CCDC30: variants seen among roughly 807,000 people sequenced by gnomAD.
CCDC30 encodes the protein coiled-coil domain containing 30.
CCDC30 carries 70 observed loss-of-function variants against 100.2 expected under a neutral mutation model. That is an observed-to-expected ratio of 0.70 (90% CI 0.58 to 0.85). The LOEUF (loss-of-function observed/expected upper bound fraction) is 0.85, where lower values mean the gene tolerates loss of function less well. CCDC30 is among the 40% of genes least tolerant of loss of function. The pLI is 0.00. For synonymous variants in CCDC30, 233 were observed against 269.5 expected, an observed-to-expected ratio of 0.86 and a Z score of 1.33; for missense variants, 652 against 771.2, an observed-to-expected ratio of 0.85 and a Z score of 1.83.
In CCDC30 at chr1:42,555,314, C is replaced by T. The variant is rs118058607; in HGVS notation, c.457-10982C>T. Among the ~76,000 whole-genome samples, 798 of 152,326 alleles carry T rather than the reference C, an allele frequency of 5.2e-3. 8 individuals are homozygous for T. The highest frequency in any genetic ancestry group is 0.018 in the African/African-American group (769 of 41,572). ...CTATACCAACACCCACCTTCCCCAA[C>T]GTCCATACACACATGCAAGTACATA... On this transcript the variant is annotated intron_variant, in intron 6 of 16. Coordinates refer to ENST00000668663, the Ensembl canonical transcript of CCDC30.
chr1:42,545,766 G>A (rs1482446252), intron 6 of CCDC30, among the ~76,000 whole-genome samples, 187 bp downstream of exon 9: 1 of 151,610 alleles, frequency 6.6e-6, no homozygotes, highest in Non-Finnish European at 1.5e-5. Flanking sequence ...GGGCAACATG[G>A]CAAACCCCAT....
rs1645144447 is a variant in CCDC30, at chr1:42,546,428, A to ATG, written c.457-19867_457-19866insGT. Among the ~76,000 whole-genome samples the ATG allele has an allele frequency of 5.3e-4, 39 of 73,738 alleles. 3 individuals are homozygous for ATG. Among genetic ancestry groups the ATG allele is most frequent in the African/African-American group, 1.5e-3 (34 of 23,260 alleles). The allele number at this position is 73,738 out of a possible 152,430, so 48.4% of individuals were successfully genotyped here. On this transcript the variant is annotated intron_variant, in intron 6 of 16. Transcript: ENST00000668663. ...TATATATATATATATATATATATAT[A>ATG]TATATATATATATAGTATTCTAATA...
chr1:42,482,547 A>T (rs539513705), intron 2 of CCDC30, 116 bp from the exon 3 acceptor site: 1 of 539,394 alleles, frequency 1.9e-6, no homozygotes, highest in East Asian at 3.5e-5. Flanking sequence ...ACACAAAGAA[A>T]TACACATAGA....
At chr1:42,546,704 A>G (rs888077840) in intron 6 of CCDC30, among the ~76,000 whole-genome samples, 36 of 151,754 alleles carry the variant, frequency 2.4e-4, no homozygotes, top group African/African-American at 8.5e-4. Context: ...CTTTTCTCTT[A>G]TTTATCTATC....
downstream of CCDC30, among the ~76,000 whole-genome samples, chr1:42,656,311 G>A (rs1338029785): frequency 6.6e-6 from 1 of 152,140 alleles, no homozygotes. Context: ...TATTGCTCTA[G>A]GACATCACTT....
chr1:42,588,399 G>A (rs1314268213), intron 9 of CCDC30, among the ~76,000 whole-genome samples: 3 of 152,096 alleles, frequency 2.0e-5, no homozygotes, highest in Non-Finnish European at 2.9e-5. Flanking sequence ...TTTTATTAAC[G>A]TGGGGTGGGG....
At chr1:42,643,305 G>C (rs1647612700) in intron 13 of CCDC30, among the ~76,000 whole-genome samples, 1 of 152,212 alleles carries the variant, frequency 6.6e-6, no homozygotes, top group South Asian at 2.1e-4. Flanking sequence ...ACTCAGCCCA[G>C]TCAGTGACAG....
intron 10 of CCDC30, chr1:42,591,622 C>G (rs1389693617): frequency 6.6e-6 from 1 of 152,324 alleles, no homozygotes; most frequent in Admixed American, 6.5e-5. Context: ...CAGAGAAGTT[C>G]TAATAGGGCA....
At chr1:42,520,738 T>G (rs1644627963) in intron 6 of CCDC30, among the ~76,000 whole-genome samples, 1 of 148,672 alleles carries the variant, frequency 6.7e-6, no homozygotes, top group Non-Finnish European at 1.5e-5. Flanking sequence ...CCTCCTGGGT[T>G]CATGCCATTC....
upstream of CCDC30, chr1:42,460,373 G>A (rs1355809725): frequency 2.0e-6 from 2 of 987,094 alleles, no homozygotes; most frequent in Non-Finnish European, 2.4e-6. Flanking sequence ...AAAAAATCAA[G>A]TGCAATAAAG....
chr1:42,477,585 T>C (rs764374319), intron 1 of CCDC30, among the ~76,000 whole-genome samples: 4 of 152,222 alleles, frequency 2.6e-5, no homozygotes, highest in Non-Finnish European at 4.4e-5. Flanking sequence ...CAAAAGTTCA[T>C]ATACAGTTTT....
chr1:42,482,455 A>T (rs1007456258), intron 2 of CCDC30, among the ~76,000 whole-genome samples: 1 of 152,096 alleles, frequency 6.6e-6, no homozygotes, highest in Non-Finnish European at 1.5e-5. Context: ...AAGTAAAAGC[A>T]ATCAAATATC....
At chr1:42,656,649 T>A (rs1648671458), downstream of CCDC30, among the ~76,000 whole-genome samples, 1 of 151,934 alleles carries the variant, frequency 6.6e-6, no homozygotes, top group Admixed American at 6.6e-5. Context: ...TAATAATAAA[T>A]ACATAAATAA....
At chr1:42,585,852 C>T (rs531623920) in intron 9 of CCDC30, among the ~76,000 whole-genome samples, 2 of 152,158 alleles carry the variant, frequency 1.3e-5, no homozygotes, top group South Asian at 4.1e-4. Context: ...CTTTTTCTTA[C>T]TGATTTATGG....
intron 6 of CCDC30, among the ~76,000 whole-genome samples, chr1:42,549,002 T>G (rs10465872): frequency 0.98 from 149,195 of 152,268 alleles, 73,160 homozygotes; most frequent in East Asian, 1. Flanking sequence ...TGTTTATAGT[T>G]CTTTTGTCAT....
At chr1:42,573,737 G>A (rs916123438) in intron 7 of CCDC30, among the ~76,000 whole-genome samples, 1 of 151,788 alleles carries the variant, frequency 6.6e-6, no homozygotes, top group Non-Finnish European at 1.5e-5. Context: ...TTATCCAAAT[G>A]TACTTTAGAA....
At chr1:42,531,860 T>C (rs1286733680) in intron 6 of CCDC30, among the ~76,000 whole-genome samples, 2 of 152,216 alleles carry the variant, frequency 1.3e-5, no homozygotes, top group Non-Finnish European at 2.9e-5. Context: ...ATGACTCTCC[T>C]GGGGGTTTGA....
At chr1:42,588,380 C>T (rs1646119014) in intron 9 of CCDC30, among the ~76,000 whole-genome samples, 1 of 152,148 alleles carries the variant, frequency 6.6e-6, no homozygotes, top group Middle Eastern at 3.4e-3. Context: ...GGAGAAAAAG[C>T]AAACACAATT....
intron 7 of CCDC30, among the ~76,000 whole-genome samples, chr1:42,567,381 G>C (rs1645628809): frequency 1.3e-5 from 2 of 152,146 alleles, no homozygotes; most frequent in South Asian, 4.1e-4. Flanking sequence ...TATGAGAAAA[G>C]TTTGCCCACA....
Sources: allele counts gnomAD v4.1 joint callset (sites outside exome capture counted in the v4.1 genomes callset), GRCh38; gene constraint gnomAD v4.1.1; transcripts MANE v1.5; gene names NCBI Gene and HGNC (gene_info 2026-07-23, HGNC 2026-07-21).